The following RALGPS2 variants were observed in gnomAD, a reference collection of about 807,000 sequenced individuals.
RALGPS2 encodes ras-specific guanine nucleotide-releasing factor RalGPS2.
RALGPS2 carries 43 observed loss-of-function variants against 86.8 expected under a neutral mutation model. The observed-to-expected ratio is 0.50, with a 90% CI of 0.39 to 0.64. The LOEUF is 0.64. Ranked by LOEUF, RALGPS2 falls within the 30% of genes least tolerant of loss-of-function variation. The pLI is 0.00. For missense variants in RALGPS2, 536 were observed against 694.6 expected (o/e 0.77, Z 2.57); for synonymous variants, 243 against 231.3 (o/e 1.05, Z -0.46).
intron 13 of RALGPS2, 78 bp from the exon 14 acceptor site, chr1:178,889,564 A>T: frequency 2.2e-6 from 2 of 929,014 alleles, no homozygotes; most frequent in South Asian, 2.8e-5. Context: ...ATAGTTAATT[A>T]ATTTATTTTT....
chr1:178,783,600 C>G (rs1356188794), intron 2 of RALGPS2, among the ~76,000 whole-genome samples: 1 of 152,120 alleles, frequency 6.6e-6, no homozygotes, highest in Admixed American at 6.6e-5. Flanking sequence ...TACATAATAG[C>G]TGGTGGGTTG....
chr1:178,902,506 G>A (rs183087156), intron 18 of RALGPS2, among the ~76,000 whole-genome samples: 164 of 152,166 alleles, frequency 1.1e-3, no homozygotes, highest in African/African-American at 3.6e-3. Context: ...AATCCCTAGA[G>A]ACCTAACTAG....
At chr1:178,863,193 CA>C in intron 8 of RALGPS2, among the ~76,000 whole-genome samples, 5 of 152,092 alleles carry the variant, frequency 3.3e-5, no homozygotes, top group Admixed American at 2.6e-4. Flanking sequence ...GAGGGACATG[CA>C]CACAAGAGAC....
chr1:178,899,826 A>G (rs1465480062), intron 17 of RALGPS2, among the ~76,000 whole-genome samples: 3 of 151,800 alleles, frequency 2.0e-5, no homozygotes, highest in African/African-American at 7.2e-5. Flanking sequence ...AGACTTGACA[A>G]CTAAATGCAA....
At chr1:178,727,839 T>A (rs548156429) in intron 1 of RALGPS2, among the ~76,000 whole-genome samples, 7 of 152,296 alleles carry the variant, frequency 4.6e-5, no homozygotes, top group Non-Finnish European at 1.0e-4. Flanking sequence ...ACAACAGGGC[T>A]TATCATTTAA....
chr1:178,916,429 AG>A lies in RALGPS2; in HGVS notation c.*71del. The A allele has an allele frequency of 1.4e-6, 2 of 1,434,676 alleles. No individual in the cohort carries two copies. The highest frequency in any genetic ancestry group is 1.9e-6 in the Non-Finnish European group (2 of 1,037,762). The allele number at this position is 1,434,676 out of a possible 1,614,324, so 88.9% of individuals were successfully genotyped here. On this transcript the variant is annotated 3_prime_UTR_variant, in exon 20 of 20. Transcript: ENST00000367635. ...CATGAGGACCTGATAAAAGAGCGCC[AG>A]CTATAAACCATCCTGTGCCAGGAAG...
intron 17 of RALGPS2, among the ~76,000 whole-genome samples, chr1:178,899,250 T>C (rs1002805691): frequency 1.3e-5 from 2 of 151,896 alleles, no homozygotes; most frequent in African/African-American, 2.4e-5. Context: ...TTTTTAATTA[T>C]ATGAGGTTTC....
chr1:178,762,346 A>C (rs1403509529), intron 1 of RALGPS2, among the ~76,000 whole-genome samples: 1 of 152,178 alleles, frequency 6.6e-6, no homozygotes, highest in Non-Finnish European at 1.5e-5. Context: ...TGTTGGAACA[A>C]TTTATATTCT....
chr1:178,859,040 T>G (rs1572413436), intron 8 of RALGPS2, among the ~76,000 whole-genome samples: 1 of 152,192 alleles, frequency 6.6e-6, no homozygotes, highest in South Asian at 2.1e-4. Flanking sequence ...GTGGGAAGTT[T>G]GAGACAAATA....
chr1:178,761,101 G>T (rs765762093), intron 1 of RALGPS2, among the ~76,000 whole-genome samples: 88 of 151,302 alleles, frequency 5.8e-4, no homozygotes, highest in Non-Finnish European at 3.5e-4. Flanking sequence ...CAGCCTCCCA[G>T]GTAGCTGACA....
intron 1 of RALGPS2, among the ~76,000 whole-genome samples, chr1:178,761,987 T>G (rs1652267026): frequency 1.3e-5 from 2 of 152,308 alleles, no homozygotes; most frequent in South Asian, 4.2e-4. Flanking sequence ...CAGTAGGTAG[T>G]TTCTCAATCC....
intron 8 of RALGPS2, 102 bp from the exon 9 acceptor site, chr1:178,877,395 GT>G: frequency 6.7e-7 from 1 of 1,485,134 alleles, no homozygotes; most frequent in Non-Finnish European, 9.0e-7. Context: ...TAAATGTAGC[GT>G]ACAGTGGAAT....
At chr1:178,743,856 A>G (rs768356869) in intron 1 of RALGPS2, among the ~76,000 whole-genome samples, 4 of 152,214 alleles carry the variant, frequency 2.6e-5, no homozygotes, top group Non-Finnish European at 4.4e-5. Flanking sequence ...TGTGATTACA[A>G]TATTTCCACA....
chr1:178,799,996 A>G (rs1012553537), intron 4 of RALGPS2, among the ~76,000 whole-genome samples: 1 of 152,214 alleles, frequency 6.6e-6, no homozygotes, highest in Non-Finnish European at 1.5e-5. Context: ...GGATATGGCA[A>G]AAAAAGTTAG....
chr1:178,822,781 T>C (rs550370382), intron 7 of RALGPS2, among the ~76,000 whole-genome samples: 77 of 152,314 alleles, frequency 5.1e-4, no homozygotes, highest in African/African-American at 1.8e-3. Flanking sequence ...ATTATAAATA[T>C]ACAGTTATGA....
chr1:178,763,874 G>T lies in RALGPS2; in HGVS notation c.-83-12808G>T, dbSNP rs546668450. Among the ~76,000 whole-genome samples the T allele has an allele frequency of 4.5e-4, 64 of 143,764 alleles. No individual in the cohort carries two copies. The East Asian group carries it at 0.011, about 25-fold the overall frequency. 94.3% of individuals were successfully genotyped at this position (143,764 alleles called of 152,430 possible). A position where few individuals can be genotyped will look rare whatever the true frequency, so the allele number is the denominator to read the frequency against. ...ATGAGAGTGTGCTTTGTATGATTTT[G>T]TTTTTTTTTTTAATTTAATGAGGAT... On this transcript the variant is annotated intron_variant, in intron 1 of 19. Transcript: ENST00000367635.
intron 5 of RALGPS2, among the ~76,000 whole-genome samples, chr1:178,809,749 T>C (rs1278789898): frequency 6.6e-6 from 1 of 152,096 alleles, no homozygotes; most frequent in African/African-American, 2.4e-5. Context: ...TATTACATAG[T>C]AGCTTAGGGC....
intron 8 of RALGPS2, among the ~76,000 whole-genome samples, chr1:178,848,548 A>G (rs1656980197): frequency 6.6e-6 from 1 of 152,034 alleles, no homozygotes; most frequent in Non-Finnish European, 1.5e-5. Flanking sequence ...TTTTCTTTTT[A>G]TTTTTGGTCC....
chr1:178,909,221 G>A (rs1387245491), intron 19 of RALGPS2, among the ~76,000 whole-genome samples: 1 of 152,082 alleles, frequency 6.6e-6, no homozygotes, highest in Non-Finnish European at 1.5e-5. Flanking sequence ...TAGGTGTGAG[G>A]CATTATTTCT....
Sources: gnomAD v4.1 joint callset for allele counts (sites outside exome capture counted in the v4.1 genomes callset) on GRCh38, gnomAD v4.1.1 for gene constraint, MANE v1.5 for transcripts, NCBI Gene and HGNC (gene_info 2026-07-23, HGNC 2026-07-21) for gene names.